VPS13B: variants seen among roughly 807,000 people sequenced by gnomAD.
VPS13B encodes the protein intermembrane lipid transfer protein VPS13B.
A neutral mutation model predicts 426.4 loss-of-function variants in VPS13B; 285 were observed. That is an observed-to-expected ratio of 0.67 (90% CI 0.61 to 0.74). The LOEUF is 0.74. Among genes scored for constraint, VPS13B ranks in the 30% least tolerant of loss-of-function variants. The pLI is 0.00. For synonymous variants in VPS13B, 1,676 were observed against 1,676.4 expected (o/e 1.00, Z 0.01); for missense variants, 4,537 against 4,782.6 (o/e 0.95, Z 1.51).
chr8:99,244,396 A>T (rs1225716127), intron 17 of VPS13B, among the ~76,000 whole-genome samples: 6 of 152,218 alleles, frequency 3.9e-5, no homozygotes, highest in Non-Finnish European at 8.8e-5. Flanking sequence ...GTTAATTGTT[A>T]ATTTGTAGAT....
chr8:99,272,847 G>C (rs540827459), intron 17 of VPS13B, among the ~76,000 whole-genome samples: 25 of 152,174 alleles, frequency 1.6e-4, no homozygotes, highest in Admixed American at 1.2e-3. Flanking sequence ...GGAATTATTT[G>C]AGCTACAGGT....
At chr8:99,219,310 G>GTA (rs1372416143) in intron 17 of VPS13B, among the ~76,000 whole-genome samples, 1 of 152,198 alleles carries the variant, frequency 6.6e-6, no homozygotes, top group African/African-American at 2.4e-5. Flanking sequence ...GTAGCACGAT[G>GTA]TATACCATTG....
intron 3 of VPS13B, among the ~76,000 whole-genome samples, chr8:99,044,084 C>CTTTTTTTTTTTTTTTTTT (rs5893476): frequency 1.0e-5 from 1 of 98,932 alleles, no homozygotes; most frequent in African/African-American, 4.1e-5. Context: ...TTCTTTCTTT[C>CTTTTTTTTTTTTTTTTTT]TTTTTTTTTT....
At position 99,354,498 on chromosome 8, in the gene VPS13B, T is replaced by A. The variant is rs1010934342; in HGVS notation, c.2825-29710T>A. Among the ~76,000 whole-genome samples, 10 of 151,828 alleles carry A rather than the reference T, an allele frequency of 6.6e-5. 1 individual carries two copies. The highest frequency in any genetic ancestry group is 1.9e-4 in the East Asian group (1 of 5,186). ...TATTTGTTCTAAAACTGCATAAAAT[T>A]TTTTTACATTTAGAAAGCATGTCAA... On this transcript the variant is annotated intron_variant, in intron 19 of 61. Coordinates refer to ENST00000357162, the MANE Select transcript of VPS13B (RefSeq NM_152564.5).
intron 60 of VPS13B, 172 bp from the exon 61 acceptor site, chr8:99,871,276 T>A: frequency 9.8e-7 from 1 of 1,019,206 alleles, no homozygotes; most frequent in South Asian, 1.5e-5. Context: ...CAGGTTCTGT[T>A]AATCAGAATC....
Position 99,233,266 on chromosome 8 carries a change from C to T in VPS13B, c.2515+40209C>T, listed in dbSNP as rs1364502952. On this transcript the variant is annotated intron_variant, in intron 17 of 61. Coordinates refer to ENST00000357162, the MANE Select transcript of VPS13B (RefSeq NM_152564.5). ...ATGCAGTTCATTCACAGTCTTGCCA[C>T]CTTTGCCAATCACCCGGCCAGCTGT... The T allele has an allele frequency of 1.3e-5, 16 of 1,190,620 alleles. 1 individual carries two copies. In the South Asian group the frequency reaches 1.9e-4, roughly 14 times the overall value. 73.8% of individuals were successfully genotyped at this position (1,190,620 alleles called of 1,614,324 possible). A position where few individuals can be genotyped will look rare whatever the true frequency, so the allele number is the denominator to read the frequency against.
chr8:99,405,760 T>C (rs1815289028), intron 21 of VPS13B, among the ~76,000 whole-genome samples: 1 of 151,964 alleles, frequency 6.6e-6, no homozygotes, highest in Non-Finnish European at 1.5e-5. Flanking sequence ...CATTTTCTTA[T>C]ATACTTCATC....
chr8:99,352,986 T>C (rs1377252926), intron 19 of VPS13B, among the ~76,000 whole-genome samples: 3 of 151,926 alleles, frequency 2.0e-5, no homozygotes, highest in Non-Finnish European at 4.4e-5. Context: ...AACTTATTAT[T>C]ATTATTATTT....
chr8:99,066,804 A>C (rs1752460918), intron 3 of VPS13B, among the ~76,000 whole-genome samples: 1 of 152,240 alleles, frequency 6.6e-6, no homozygotes, highest in African/African-American at 2.4e-5. Context: ...ACAAATTTAC[A>C]AGAAAAAAAC....
chr8:99,614,270 C>CAT (rs1441128833), intron 33 of VPS13B, among the ~76,000 whole-genome samples: 5 of 151,692 alleles, frequency 3.3e-5, no homozygotes, highest in Admixed American at 1.3e-4. Context: ...CACACACACA[C>CAT]ACATATATAT....
intron 19 of VPS13B, among the ~76,000 whole-genome samples, chr8:99,339,132 A>G (rs1417168893): frequency 6.6e-6 from 1 of 152,086 alleles, no homozygotes; most frequent in Non-Finnish European, 1.5e-5. Context: ...TAAGTTTCAT[A>G]TTGTTTTGCA....
intron 17 of VPS13B, among the ~76,000 whole-genome samples, chr8:99,260,783 C>G (rs1017565436): frequency 6.6e-6 from 1 of 151,886 alleles, no homozygotes; most frequent in African/African-American, 2.4e-5. Context: ...TCTGAAGAAC[C>G]AAACTCTGTC....
chr8:99,309,819 G>T (rs977134890), intron 19 of VPS13B, among the ~76,000 whole-genome samples: 1 of 152,212 alleles, frequency 6.6e-6, no homozygotes, highest in Non-Finnish European at 1.5e-5. Context: ...CATGAACATG[G>T]AAAGTTCTTC....
chr8:99,405,834 A>G (rs1167809937), intron 21 of VPS13B, among the ~76,000 whole-genome samples: 1 of 145,216 alleles, frequency 6.9e-6, no homozygotes, highest in Non-Finnish European at 1.5e-5. Flanking sequence ...GCTGGAGTGT[A>G]GTGGCGTGAT....
At chr8:99,645,407 A>G (rs1829542263) in intron 34 of VPS13B, among the ~76,000 whole-genome samples, 1 of 152,250 alleles carries the variant, frequency 6.6e-6, no homozygotes, top group African/African-American at 2.4e-5. Flanking sequence ...TATAGTGAAA[A>G]GAATACTTAA....
chr8:99,197,447 C>A (rs1442978022), intron 17 of VPS13B, among the ~76,000 whole-genome samples: 1 of 152,142 alleles, frequency 6.6e-6, no homozygotes, highest in African/African-American at 2.4e-5. Flanking sequence ...TTGATGGGGA[C>A]TTTTTGTTAC....
chr8:99,084,157 G>A (rs1845637062), intron 3 of VPS13B, among the ~76,000 whole-genome samples: 1 of 152,164 alleles, frequency 6.6e-6, no homozygotes, highest in Non-Finnish European at 1.5e-5. Flanking sequence ...TCTATTCAGA[G>A]ATTCAACTTC....
At chr8:99,558,912 TG>T (rs1425599103) in intron 31 of VPS13B, among the ~76,000 whole-genome samples, 1 of 152,236 alleles carries the variant, frequency 6.6e-6, no homozygotes, top group Non-Finnish European at 1.5e-5. Flanking sequence ...TATAATCCTT[TG>T]GGTATATACC....
At chr8:99,239,397 G>A (rs78726743) in intron 17 of VPS13B, among the ~76,000 whole-genome samples, 2 of 152,164 alleles carry the variant, frequency 1.3e-5, no homozygotes, top group South Asian at 2.1e-4. Context: ...CTATTTTGCC[G>A]AGTAAACTGT....
Sources: allele counts gnomAD v4.1 joint callset (sites outside exome capture counted in the v4.1 genomes callset), GRCh38; gene constraint gnomAD v4.1.1; transcripts MANE v1.5; gene names NCBI Gene and HGNC (gene_info 2026-07-23, HGNC 2026-07-21).